The following ELF1 variants were observed in gnomAD, a reference collection of about 807,000 sequenced individuals.
The protein encoded by ELF1 is ETS-related transcription factor Elf-1.
Under a neutral mutation model 59.9 loss-of-function variants are expected in ELF1, and 24 were observed. That is an observed-to-expected ratio of 0.40 (90% CI 0.29 to 0.56). The LOEUF is 0.56. ELF1 is among the 20% of genes least tolerant of loss of function. ELF1 has a pLI of 0.44. For synonymous variants in ELF1, 248 were observed against 266.2 expected (o/e 0.93, Z 0.67); for missense variants, 627 against 742.2 (o/e 0.84, Z 1.80).
intron 7 of ELF1, among the ~76,000 whole-genome samples, chr13:40,941,712 C>CAGTGAA (rs1363349593): frequency 2.6e-5 from 4 of 152,038 alleles, no homozygotes; most frequent in Non-Finnish European, 5.9e-5. Context: ...GGCTGGAGTG[C>CAGTGAA]AGTGGCATGA....
intron 1 of ELF1, chr13:40,992,983 CA>C: frequency 8.8e-7 from 1 of 1,135,712 alleles, no homozygotes. Flanking sequence ...TTTAAGTCTT[CA>C]CAGGCAATCC....
intron 3 of ELF1, among the ~76,000 whole-genome samples, chr13:40,958,422 G>A (rs566014100): frequency 3.3e-5 from 5 of 152,182 alleles, no homozygotes; most frequent in Admixed American, 6.5e-5. Flanking sequence ...AGCTGGGTGG[G>A]GTGGTGCATG....
chr13:40,941,249 A>G lies in ELF1; in HGVS notation c.928T>C (p.Ser310Pro). 1 of 1,613,882 alleles carries G rather than the reference A, an allele frequency of 6.2e-7. No homozygotes were observed. The highest frequency in any genetic ancestry group is 2.2e-5 in the East Asian group (1 of 44,850). ...GATGAAGATAGCGATGGATCTGAAG[A>G]CTCTATGCTGGAACTTGGATCCTCA... is the stretch of plus-strand genomic sequence containing the variant. ...NDEDPSSSIE[S>P]SDPSLSSSAT... The change falls in exon 8 of 9, where the codon TCT becomes CCT. Residue 310 changes from serine (S) to proline (P), a missense_variant. Ser to Pro is a moderately conservative substitution (Grantham distance 74). Transcript: ENST00000239882.
Position 40,949,851 on chromosome 13 carries a change from C to G in ELF1, c.484G>C (p.Asp162His). The change falls in exon 5 of 9, where the codon GAC (aspartate) becomes CAC (histidine). Residue 162 changes from aspartate (D) to histidine (H), a missense_variant. Asp to His is a moderately conservative substitution (Grantham distance 81). Transcript: ENST00000239882. ...TCTGGTGATGAGGCTCCCGGTGAGT[C>G]TGCATATTTTTCTTGCACCTGCTGT... ...ETQQVQEKYADSPGASSPEQP... is the reference protein window; with the variant it reads ...ETQQVQEKYAHSPGASSPEQP... 2 of 1,614,074 alleles carry G rather than the reference C, an allele frequency of 1.2e-6. No homozygotes were observed. Among genetic ancestry groups the G allele is most frequent in the Non-Finnish European group, 1.7e-6 (2 of 1,180,010 alleles).
upstream of ELF1, among the ~76,000 whole-genome samples, chr13:41,023,959 T>C (rs1374472810): frequency 6.6e-6 from 1 of 152,218 alleles, no homozygotes; most frequent in Non-Finnish European, 1.5e-5. Context: ...TATGACTTGA[T>C]ATAGACAAAT....
intron 1 of ELF1, among the ~76,000 whole-genome samples, chr13:40,983,257 ATTACAAACACT>A (rs1318847429): frequency 6.6e-5 from 10 of 152,210 alleles, no homozygotes; most frequent in African/African-American, 2.4e-4. Flanking sequence ...TTACAGTTTT[ATTACAAACACT>A]TTAAAAAAGA....
chr13:40,941,952 C>A (rs570115272), intron 7 of ELF1, among the ~76,000 whole-genome samples: 17 of 152,192 alleles, frequency 1.1e-4, no homozygotes, highest in Admixed American at 3.3e-4. Context: ...AGCCACCACA[C>A]TCAGCCCCCC....
Position 40,933,797 on chromosome 13 carries a change from T to A in ELF1, c.1488A>T (p.Ser496=). Residue 496 remains serine (S), a synonymous_variant, in exon 9 of 9, where the codon TCA becomes TCT. Transcript: ENST00000239882. Reference sequence around the variant, plus strand: ...GAACCTGGGCAGGGCCCAAGACAATTGAAGGAGGAGAGCCCGCCTTTTGTG... The same window carrying A: ...GAACCTGGGCAGGGCCCAAGACAATAGAAGGAGGAGAGCCCGCCTTTTGTG... ...LQSQKAGSPP[S]IVLGPAQVQQ... 1 of 1,614,260 alleles carries A rather than the reference T, an allele frequency of 6.2e-7. No individual in the cohort carries two copies. Among genetic ancestry groups the A allele is most frequent in the Non-Finnish European group, 8.5e-7 (1 of 1,180,046 alleles).
At chr13:40,949,755 G>A in intron 5 of ELF1, 51 bp downstream of exon 5, 1 of 1,586,468 alleles carries the variant, frequency 6.3e-7, no homozygotes, top group Non-Finnish European at 8.6e-7. Context: ...GTGATATCTA[G>A]ATTTCACACC....
At chr13:40,992,837 T>G (rs1446524589) in intron 1 of ELF1, 1 of 527,740 alleles carries the variant, frequency 1.9e-6, no homozygotes, top group African/African-American at 1.9e-5. Context: ...TTTCTGTTGA[T>G]CACCTCTCTA....
chr13:40,979,659 T>C (rs1046292425), intron 2 of ELF1, among the ~76,000 whole-genome samples: 1 of 152,204 alleles, frequency 6.6e-6, no homozygotes, highest in Non-Finnish European at 1.5e-5. Context: ...CAAATATTTA[T>C]AATAAAGTGG....
intron 1 of ELF1, among the ~76,000 whole-genome samples, chr13:40,985,525 AAC>A (rs1873505483): frequency 6.6e-6 from 1 of 152,238 alleles, no homozygotes; most frequent in South Asian, 2.1e-4. Flanking sequence ...TTTCTGCTAT[AAC>A]AGTTTATAAC....
intron 1 of ELF1, among the ~76,000 whole-genome samples, chr13:41,056,428 C>T (rs772343449): frequency 8.5e-5 from 13 of 152,304 alleles, no homozygotes; most frequent in Middle Eastern, 3.4e-3. Context: ...ATGAATAATG[C>T]TGCTATAAAC....
chr13:41,020,380 G>A (rs1875641082), upstream of ELF1, among the ~76,000 whole-genome samples: 1 of 152,164 alleles, frequency 6.6e-6, no homozygotes, highest in African/African-American at 2.4e-5. Flanking sequence ...CTTCGTCCTG[G>A]TATCTTACAA....
intron 1 of ELF1, among the ~76,000 whole-genome samples, chr13:41,038,781 C>T (rs1351936602): frequency 2.0e-5 from 3 of 151,910 alleles, no homozygotes; most frequent in South Asian, 2.1e-4. Flanking sequence ...TTTTGGGAGG[C>T]GGAGGCAGTG....
chr13:40,973,164 G>A (rs1179447644), intron 2 of ELF1, among the ~76,000 whole-genome samples: 1 of 152,136 alleles, frequency 6.6e-6, no homozygotes, highest in Non-Finnish European at 1.5e-5. Flanking sequence ...TTTTAGGAGG[G>A]AAGCTTCTTT....
chr13:40,973,148 A>T (rs1566176630), intron 2 of ELF1, among the ~76,000 whole-genome samples: 1 of 152,168 alleles, frequency 6.6e-6, no homozygotes, highest in Non-Finnish European at 1.5e-5. Context: ...CACCTAAAAG[A>T]TCACCTTTTA....
chr13:40,978,737 G>C (rs901593653), intron 2 of ELF1, among the ~76,000 whole-genome samples: 6 of 150,428 alleles, frequency 4.0e-5, no homozygotes, highest in Non-Finnish European at 5.9e-5. Flanking sequence ...ACCACTAGTA[G>C]TCAAGGAAAT....
Position 41,000,978 on chromosome 13 carries a change from CT to C in ELF1, c.-229+18249del, listed in dbSNP as rs71797488. Among the ~76,000 whole-genome samples the C allele has an allele frequency of 2.2e-3, 321 of 144,104 alleles. 1 individual carries two copies. The highest frequency in any genetic ancestry group is 0.011 in the Middle Eastern group (3 of 284). 94.5% of individuals were successfully genotyped at this position (144,104 alleles called of 152,430 possible). The stretch of plus-strand genomic sequence containing the variant: ...ATTCTTCACAGAAATAGGAAAAACA[CT>C]TTTTTTTTTTTTTCTGAGACAGAGT... On this transcript the variant is annotated intron_variant, in intron 1 of 8. Transcript: ENST00000239882.
Sources: allele counts gnomAD v4.1 joint callset (sites outside exome capture counted in the v4.1 genomes callset), GRCh38; gene constraint gnomAD v4.1.1; transcripts MANE v1.5; gene names NCBI Gene and HGNC (gene_info 2026-07-23, HGNC 2026-07-21).